RHBDD1: variants seen among roughly 807,000 people sequenced by gnomAD.
The protein encoded by RHBDD1 is rhomboid domain containing 1, also known as rhomboid-related protein 4.
RHBDD1 carries 38 observed loss-of-function variants against 36.3 expected under a neutral mutation model. The ratio of observed to expected loss-of-function variants is 1.05; its 90% CI spans 0.81 to 1.37. The LOEUF (loss-of-function observed/expected upper bound fraction) is 1.37, where lower values mean the gene tolerates loss of function less well. Among genes scored for constraint, RHBDD1 ranks in the 40% most tolerant of loss-of-function variants. The pLI, the probability that RHBDD1 is intolerant of heterozygous loss-of-function variation, is 0.00. For synonymous variants in RHBDD1, 151 were observed against 136.5 expected (o/e 1.11, Z -0.74); for missense variants, 393 against 377.6 (o/e 1.04, Z -0.34).
chr2:226,944,971 G>C (rs1455635293), intron 8 of RHBDD1, among the ~76,000 whole-genome samples: 1 of 152,000 alleles, frequency 6.6e-6, no homozygotes, highest in Non-Finnish European at 1.5e-5. Flanking sequence ...ACAGTCTGTT[G>C]GAGGAACTAG....
intron 3 of RHBDD1, among the ~76,000 whole-genome samples, chr2:226,862,371 TAACTCTAA>T (rs1302521725): frequency 2.0e-5 from 3 of 150,658 alleles, no homozygotes; most frequent in African/African-American, 7.4e-5. Flanking sequence ...TTTTTTTTTT[TAACTCTAA>T]AACTCATGCA....
chr2:226,979,269 G>A (rs1023019469), intron 8 of RHBDD1, among the ~76,000 whole-genome samples: 4 of 152,122 alleles, frequency 2.6e-5, no homozygotes, highest in African/African-American at 9.7e-5. Context: ...TAAAAACTAG[G>A]TTCTTGTCAC....
intron 8 of RHBDD1, among the ~76,000 whole-genome samples, chr2:226,967,780 A>C (rs1279188393): frequency 6.6e-6 from 1 of 151,976 alleles, no homozygotes; most frequent in Non-Finnish European, 1.5e-5. Context: ...TGTGTGTGAG[A>C]GGGCTTTTGG....
intron 5 of RHBDD1, among the ~76,000 whole-genome samples, chr2:226,888,762 CATT>C (rs1946446206): frequency 2.0e-5 from 3 of 152,114 alleles, no homozygotes; most frequent in African/African-American, 2.4e-5. Context: ...TCTTTTTTAT[CATT>C]ATTGTTATGT....
chr2:226,926,600 A>G (rs1035798323), intron 8 of RHBDD1, among the ~76,000 whole-genome samples: 1 of 152,168 alleles, frequency 6.6e-6, no homozygotes, highest in Non-Finnish European at 1.5e-5. Flanking sequence ...CATTTTTAGC[A>G]AGAAAATGTC....
chr2:226,905,502 G>T (rs996755762), intron 5 of RHBDD1, among the ~76,000 whole-genome samples: 4 of 152,150 alleles, frequency 2.6e-5, no homozygotes, highest in African/African-American at 9.7e-5. Flanking sequence ...TTGCAGAGAT[G>T]GGCAAGGCCA....
intron 8 of RHBDD1, among the ~76,000 whole-genome samples, chr2:226,954,916 C>T (rs1007224446): frequency 2.0e-5 from 3 of 151,362 alleles, no homozygotes; most frequent in African/African-American, 4.9e-5. Flanking sequence ...ACACGTATGG[C>T]GGGATGTGTT....
intron 8 of RHBDD1, among the ~76,000 whole-genome samples, chr2:226,952,358 C>T (rs1476898109): frequency 7.4e-6 from 1 of 134,818 alleles, no homozygotes; most frequent in Non-Finnish European, 1.5e-5. Context: ...AGTGCAATGG[C>T]ACTATCTCAG....
At position 226,950,718 on chromosome 2, in the gene RHBDD1, G is replaced by A. The variant is rs530279674; in HGVS notation, c.856+36367G>A. Among the ~76,000 whole-genome samples, 5 of 152,248 alleles carry A rather than the reference G, an allele frequency of 3.3e-5. No individual in the cohort carries two copies. In the South Asian group the frequency reaches 1.0e-3, roughly 32 times the overall value. On this transcript the variant is annotated intron_variant, in intron 8 of 8. Coordinates refer to ENST00000392062, the MANE Select transcript of RHBDD1 (RefSeq NM_001167608.3). ...TGATACCTCACTGTGGTTTCAATTAGCATTTCCCTGATATTTAGTGAGCAT... is the reference window on the plus strand; with the variant it reads ...TGATACCTCACTGTGGTTTCAATTAACATTTCCCTGATATTTAGTGAGCAT...
At chr2:226,811,361 G>A in the RHBDD1 span, among the ~76,000 whole-genome samples, 1 of 152,208 alleles carries the variant, frequency 6.6e-6, no homozygotes, top group Admixed American at 6.5e-5. Context: ...GAGTGCAGTA[G>A]CACGATCTTG....
chr2:226,988,823 C>A, intron 8 of RHBDD1: 1 of 539,464 alleles, frequency 1.9e-6, no homozygotes, highest in Non-Finnish European at 2.4e-6. Flanking sequence ...ACTACCAAGG[C>A]TGACTTTTGC....
chr2:226,903,688 A>C (rs1320376034), intron 5 of RHBDD1, among the ~76,000 whole-genome samples: 1 of 152,198 alleles, frequency 6.6e-6, no homozygotes, highest in African/African-American at 2.4e-5. Context: ...GGCGGTTCCC[A>C]GCAAAGGCCC....
At chr2:226,901,580 ATG>A (rs1171220662) in intron 5 of RHBDD1, among the ~76,000 whole-genome samples, 1 of 152,158 alleles carries the variant, frequency 6.6e-6, no homozygotes, top group Admixed American at 6.5e-5. Context: ...ATCCTCACAC[ATG>A]TGAGGTGATA....
At chr2:226,984,237 C>T (rs897429452) in intron 8 of RHBDD1, among the ~76,000 whole-genome samples, 1 of 152,220 alleles carries the variant, frequency 6.6e-6, no homozygotes, top group African/African-American at 2.4e-5. Flanking sequence ...TCAGTTTAGG[C>T]CACCTTAACA....
At chr2:226,905,557 C>T (rs1947984858) in intron 5 of RHBDD1, among the ~76,000 whole-genome samples, 1 of 152,166 alleles carries the variant, frequency 6.6e-6, no homozygotes, top group Non-Finnish European at 1.5e-5. Context: ...TCTGTGAGAA[C>T]CAGTGGATTT....
At chr2:226,875,832 G>A (rs1945191797) in intron 5 of RHBDD1, among the ~76,000 whole-genome samples, 1 of 152,210 alleles carries the variant, frequency 6.6e-6, no homozygotes, top group African/African-American at 2.4e-5. Flanking sequence ...CTAGTTCCTT[G>A]AGATGTATCC....
chr2:226,890,099 A>G (rs1946564517), intron 5 of RHBDD1, among the ~76,000 whole-genome samples: 1 of 152,216 alleles, frequency 6.6e-6, no homozygotes, highest in South Asian at 2.1e-4. Context: ...AGCCAGTCAG[A>G]GCACGTCCAA....
intron 7 of RHBDD1, among the ~76,000 whole-genome samples, chr2:226,912,558 A>G (rs1250587104): frequency 6.6e-6 from 1 of 152,170 alleles, no homozygotes; most frequent in East Asian, 1.9e-4. Flanking sequence ...ATGTAACAAA[A>G]TTGATGAACC....
chr2:226,806,283 G>T, the RHBDD1 span, among the ~76,000 whole-genome samples: 3 of 152,104 alleles, frequency 2.0e-5, no homozygotes, highest in African/African-American at 4.8e-5. Flanking sequence ...GTGGGCAGAG[G>T]GTTACCCATA....
Sources: allele counts gnomAD v4.1 joint callset (sites outside exome capture counted in the v4.1 genomes callset), GRCh38; gene constraint gnomAD v4.1.1; transcripts MANE v1.5; gene names NCBI Gene and HGNC (gene_info 2026-07-23, HGNC 2026-07-21).